The following MYO1D variants were observed in gnomAD, a reference collection of about 807,000 sequenced individuals.
MYO1D encodes the protein unconventional myosin-Id.
Under a neutral mutation model 122.0 loss-of-function variants are expected in MYO1D, and 83 were observed. The ratio of observed to expected loss-of-function variants is 0.68; its 90% CI spans 0.57 to 0.82. The LOEUF (loss-of-function observed/expected upper bound fraction) is 0.82. Among genes scored for constraint, MYO1D ranks in the 40% least tolerant of loss-of-function variants. The probability of loss-of-function intolerance (pLI) is 0.00; values close to 1 mark genes in which losing one functional copy is unlikely to be tolerated. For missense variants in MYO1D, 1,157 were observed against 1,269.5 expected (o/e 0.91, Z 1.35); for synonymous variants, 464 against 446.9 (o/e 1.04, Z -0.48).
intron 21 of MYO1D, among the ~76,000 whole-genome samples, chr17:32,603,259 G>A (rs2087583722): frequency 2.0e-5 from 3 of 152,094 alleles, no homozygotes; most frequent in Admixed American, 1.3e-4. Context: ...CCAGGTTCAC[G>A]TATTTCTGTC....
At chr17:32,598,955 T>C (rs1462705007) in intron 21 of MYO1D, among the ~76,000 whole-genome samples, 1 of 152,230 alleles carries the variant, frequency 6.6e-6, no homozygotes, top group Non-Finnish European at 1.5e-5. Context: ...ATCTTTTTGC[T>C]GTTGGAGGGT....
intron 21 of MYO1D, among the ~76,000 whole-genome samples, chr17:32,560,554 T>TAC (rs1361955474): frequency 8.1e-6 from 1 of 123,988 alleles, no homozygotes; most frequent in Non-Finnish European, 1.7e-5. Context: ...TATATATATA[T>TAC]ATATATATAT....
chr17:32,578,900 T>C (rs945219572), intron 21 of MYO1D, among the ~76,000 whole-genome samples: 9 of 152,200 alleles, frequency 5.9e-5, no homozygotes, highest in African/African-American at 1.9e-4. Context: ...TGCTTTGGCG[T>C]AACTTCAGAC....
At chr17:32,856,874 G>T (rs2091031476) in intron 1 of MYO1D, among the ~76,000 whole-genome samples, 1 of 152,106 alleles carries the variant, frequency 6.6e-6, no homozygotes, top group Non-Finnish European at 1.5e-5. Context: ...GAGGTACTGG[G>T]AAATATCCTC....
chr17:32,704,759 CTGAT>C (rs1334172957), intron 16 of MYO1D, among the ~76,000 whole-genome samples: 3 of 152,008 alleles, frequency 2.0e-5, no homozygotes, highest in African/African-American at 7.3e-5. Context: ...TAATAGTAGA[CTGAT>C]TGAGGAAATG....
intron 15 of MYO1D, among the ~76,000 whole-genome samples, chr17:32,716,784 C>T (rs1036629734): frequency 2.0e-5 from 3 of 152,250 alleles, no homozygotes; most frequent in Non-Finnish European, 4.4e-5. Flanking sequence ...AGGCAAGAGG[C>T]ACTCTGCCTT....
intron 14 of MYO1D, among the ~76,000 whole-genome samples, chr17:32,726,350 G>A (rs533768482): frequency 6.6e-6 from 1 of 152,028 alleles, no homozygotes; most frequent in Admixed American, 6.5e-5. Context: ...AACCCAGGAG[G>A]TGGAGGTTGC....
intron 21 of MYO1D, among the ~76,000 whole-genome samples, chr17:32,592,029 G>C (rs1193747955): frequency 6.6e-6 from 1 of 152,114 alleles, no homozygotes; most frequent in African/African-American, 2.4e-5. Context: ...TTGTTTTGAT[G>C]AACTTTTATA....
At chr17:32,587,287 G>A (rs559991702) in intron 21 of MYO1D, among the ~76,000 whole-genome samples, 5 of 152,262 alleles carry the variant, frequency 3.3e-5, no homozygotes, top group South Asian at 4.2e-4. Flanking sequence ...TGAGGTGAGC[G>A]GAACACTTGA....
chr17:32,687,278 G>C (rs2089029744), intron 16 of MYO1D, among the ~76,000 whole-genome samples: 1 of 150,522 alleles, frequency 6.6e-6, no homozygotes, highest in Non-Finnish European at 1.5e-5. Flanking sequence ...CTCACTGCAA[G>C]CTCCGCCTCC....
intron 16 of MYO1D, among the ~76,000 whole-genome samples, chr17:32,707,130 A>C (rs1220100381): frequency 6.6e-6 from 1 of 152,210 alleles, no homozygotes; most frequent in Non-Finnish European, 1.5e-5. Flanking sequence ...TCTAACAAAA[A>C]TAACTGTAAT....
At chr17:32,786,086 T>C (rs2090290911) in intron 1 of MYO1D, among the ~76,000 whole-genome samples, 1 of 152,196 alleles carries the variant, frequency 6.6e-6, no homozygotes, top group African/African-American at 2.4e-5. Flanking sequence ...TCTCCGGCAC[T>C]GGAGTAGAGT....
intron 6 of MYO1D, among the ~76,000 whole-genome samples, chr17:32,768,004 G>C (rs2090076011): frequency 6.6e-6 from 1 of 152,206 alleles, no homozygotes. Flanking sequence ...CAGTGAGGGA[G>C]CAAGTCCTGA....
intron 20 of MYO1D, among the ~76,000 whole-genome samples, chr17:32,636,081 C>T (rs1329016596): frequency 1.3e-5 from 2 of 152,132 alleles, no homozygotes; most frequent in Admixed American, 1.3e-4. Flanking sequence ...CACCATTTAA[C>T]TGTGGATGTT....
chr17:32,546,333 T>A (rs1191797840), intron 21 of MYO1D, among the ~76,000 whole-genome samples: 1 of 152,236 alleles, frequency 6.6e-6, no homozygotes, highest in East Asian at 1.9e-4. Flanking sequence ...GCTATTGCCA[T>A]GGAAACCATC....
chr17:32,518,229 TC>T, intron 21 of MYO1D: 1 of 188,264 alleles, frequency 5.3e-6, no homozygotes, highest in South Asian at 7.3e-5. Flanking sequence ...AGCCTGTGTG[TC>T]AGCCCTTGTG....
intron 3 of MYO1D, 126 bp from the exon 4 acceptor site, chr17:32,776,155 T>C (rs1178836692): frequency 1.3e-5 from 10 of 777,930 alleles, no homozygotes; most frequent in Non-Finnish European, 2.0e-5. Flanking sequence ...CTGTTTGCAA[T>C]ATCAAAAAAA....
intron 1 of MYO1D, among the ~76,000 whole-genome samples, chr17:32,850,634 C>T (rs1233950053): frequency 1.3e-5 from 2 of 152,178 alleles, no homozygotes; most frequent in Non-Finnish European, 2.9e-5. Flanking sequence ...TAATTTTGCA[C>T]AGGAATAACA....
chr17:32,568,562 T>C (rs993998273), intron 21 of MYO1D, among the ~76,000 whole-genome samples: 3 of 152,232 alleles, frequency 2.0e-5, no homozygotes, highest in African/African-American at 7.2e-5. Flanking sequence ...GTGGGACTTA[T>C]CATCTATCTG....
Sources: allele counts gnomAD v4.1 joint callset (sites outside exome capture counted in the v4.1 genomes callset), GRCh38; gene constraint gnomAD v4.1.1; transcripts MANE v1.5; gene names NCBI Gene and HGNC (gene_info 2026-07-23, HGNC 2026-07-21).